Variants in ZDHHC11 observed in about 807,000 individuals in gnomAD.
The protein encoded by ZDHHC11 is palmitoyltransferase ZDHHC11.
In ZDHHC11, 44 loss-of-function variants were observed where a neutral mutation model predicts 51.3. The ratio of observed to expected loss-of-function variants is 0.86; its 90% CI spans 0.67 to 1.10. The LOEUF (loss-of-function observed/expected upper bound fraction) is 1.10, where lower values mean the gene tolerates loss of function less well. Among genes scored for constraint, ZDHHC11 ranks in the 50% least tolerant of loss-of-function variants. ZDHHC11 has a pLI of 0.00. For missense variants in ZDHHC11, 400 were observed against 537.7 expected, an observed-to-expected ratio of 0.74 and a Z score of 2.53; for synonymous variants, 163 against 222.0, an observed-to-expected ratio of 0.73 and a Z score of 2.36.
At chr5:810,887 C>T (rs1389442003) in intron 11 of ZDHHC11, among the ~76,000 whole-genome samples, 1 of 152,150 alleles carries the variant, frequency 6.6e-6, no homozygotes, top group African/African-American at 2.4e-5. Context: ...GCGGTTTATG[C>T]CCATCTTTAA....
chr5:835,326 G>T (rs1190219477), intron 6 of ZDHHC11, among the ~76,000 whole-genome samples: 1 of 151,606 alleles, frequency 6.6e-6, no homozygotes, highest in Non-Finnish European at 1.5e-5. Context: ...CCTATTTAAT[G>T]ATTTTAGTAC....
chr5:816,835 C>G, intron 10 of ZDHHC11: 1 of 476,808 alleles, frequency 2.1e-6, no homozygotes, highest in Non-Finnish European at 4.1e-6. Context: ...CAGATACACC[C>G]TGAAGCTGAC....
intron 3 of ZDHHC11, among the ~76,000 whole-genome samples, chr5:846,751 G>T (rs1470667606): frequency 1.4e-5 from 2 of 138,470 alleles, no homozygotes; most frequent in African/African-American, 5.7e-5. Context: ...TCGTTCTTGA[G>T]CCTCCACCGT....
intron 9 of ZDHHC11, among the ~76,000 whole-genome samples, chr5:820,010 G>A (rs931623069): frequency 6.6e-6 from 1 of 151,286 alleles, no homozygotes; most frequent in East Asian, 1.9e-4. Flanking sequence ...TGGGTCAGGT[G>A]ACCTTCATTT....
rs1317482840 is a variant in ZDHHC11 at position 848,530 on chromosome 5, T to C, written c.353A>G (p.His118Arg). Residue 118 changes from histidine to arginine, a missense_variant, in exon 2 of 13, where the codon CAT (histidine) becomes CGT (arginine). His to Arg is a conservative substitution (Grantham distance 29). Coordinates refer to ENST00000283441, the MANE Select transcript of ZDHHC11 (RefSeq NM_024786.3). ...QPMPLFDRSK[H>R]AHVIQNQFCH... ...GAACTGATTCTGGATCACGTGTGCA[T>C]GTTTTGATCTGTCGAAGAGGGGCAT... is the stretch of plus-strand genomic sequence containing the variant. The C allele has an allele frequency of 2.6e-6, 4 of 1,509,606 alleles. No individual in the cohort carries two copies. The highest frequency in any genetic ancestry group is 4.9e-5 in the East Asian group (2 of 41,160). 93.5% of individuals were successfully genotyped at this position (1,509,606 alleles called of 1,614,324 possible). A position where few individuals can be genotyped will look rare whatever the true frequency, so the allele number is the denominator to read the frequency against.
chr5:851,042 A>T (rs1181020342), upstream of ZDHHC11: 1 of 217,590 alleles, frequency 4.6e-6, no homozygotes, highest in Non-Finnish European at 9.2e-6. Context: ...CCACGTCAGA[A>T]AGAGGCCACA....
Position 801,143 on chromosome 5 carries a change from C to T in ZDHHC11, c.1203G>A (p.Glu401=). Residue 401 remains glutamate, a synonymous_variant, in exon 12 of 13, where the codon GAG becomes GAA. Transcript: ENST00000283441. ...STLGLQQETT[E]PMKTDSAESE... Reference sequence around the variant, plus strand: ...TTTCAGCACTGTCAGTTTTCATGGGCTCTGTTGTTTCTTGTTGCAGCCTGT... The same window carrying T: ...TTTCAGCACTGTCAGTTTTCATGGGTTCTGTTGTTTCTTGTTGCAGCCTGT... The T allele has an allele frequency of 5.0e-6, 8 of 1,610,984 alleles. No individual in the cohort carries two copies. Among genetic ancestry groups the T allele is most frequent in the Admixed American group, 1.7e-5 (1 of 59,898 alleles).
intron 5 of ZDHHC11, chr5:839,945 A>G: frequency 2.1e-6 from 1 of 469,460 alleles, no homozygotes; most frequent in South Asian, 3.5e-5. Flanking sequence ...GTTACTTCCA[A>G]CACAGGTTTC....
intron 3 of ZDHHC11, among the ~76,000 whole-genome samples, chr5:844,384 G>A: frequency 6.6e-6 from 1 of 152,300 alleles, no homozygotes; most frequent in Non-Finnish European, 1.5e-5. Flanking sequence ...AGTGAGGTCA[G>A]AGATGCGGTG....
At chr5:842,081 T>C (rs545490458) in intron 4 of ZDHHC11, 55 of 986,672 alleles carry the variant, frequency 5.6e-5, no homozygotes, top group South Asian at 9.4e-5. Context: ...TTTGAAGCCC[T>C]GCAGAATCAT....
intron 11 of ZDHHC11, among the ~76,000 whole-genome samples, chr5:810,881 T>C (rs183651534): frequency 7.0e-4 from 107 of 152,090 alleles, no homozygotes; most frequent in African/African-American, 2.4e-3. Flanking sequence ...GATGGAGCGG[T>C]TTATGCCCAT....
At chr5:857,279 GCCT>G (rs1748393355) in intron 1 of ZDHHC11, among the ~76,000 whole-genome samples, 1 of 152,140 alleles carries the variant, frequency 6.6e-6, no homozygotes, top group Non-Finnish European at 1.5e-5. Context: ...GACCCCAGGC[GCCT>G]CCTGTCTGCC....
rs549965358 is a variant in ZDHHC11 at position 834,751 on chromosome 5, T to C, written c.901-944A>G. 1.6e-4 allele frequency among the ~76,000 whole-genome samples: 24 copies of C among 152,386 alleles called. No homozygotes were observed. The East Asian group carries it at 4.2e-3, about 27-fold the overall frequency. On this transcript the variant is annotated intron_variant, in intron 6 of 12. Coordinates refer to ENST00000283441, the MANE Select transcript of ZDHHC11 (RefSeq NM_024786.3). ...TATGTCGGCGCCATTTTCCCCGCAGTGTGTGCTCACTTCAATTGTCTGTGT... is the reference window on the plus strand; with the variant it reads ...TATGTCGGCGCCATTTTCCCCGCAGCGTGTGCTCACTTCAATTGTCTGTGT...
intron 12 of ZDHHC11, among the ~76,000 whole-genome samples, chr5:800,501 CCT>C (rs1292580501): frequency 2.0e-5 from 3 of 151,124 alleles, no homozygotes; most frequent in Non-Finnish European, 4.4e-5. Flanking sequence ...AGAGCATGCC[CCT>C]CTGTTTTCAA....
chr5:857,829 C>T (rs559848602), intron 1 of ZDHHC11, among the ~76,000 whole-genome samples: 2 of 149,088 alleles, frequency 1.3e-5, no homozygotes, highest in South Asian at 4.4e-4. Context: ...CTGTCCAGGT[C>T]CCCATCCTGT....
chr5:844,520 A>G (rs1439212584), intron 3 of ZDHHC11, among the ~76,000 whole-genome samples: 2 of 151,950 alleles, frequency 1.3e-5, no homozygotes, highest in African/African-American at 4.8e-5. Flanking sequence ...CCAGCCAAGG[A>G]GCACGCGGGC....
intron 3 of ZDHHC11, among the ~76,000 whole-genome samples, chr5:844,956 A>G (rs764194138): frequency 1.1e-4 from 16 of 152,304 alleles, no homozygotes; most frequent in Non-Finnish European, 2.1e-4. Flanking sequence ...TTTTTTTAAA[A>G]GTATCCTTTA....
In ZDHHC11 at chr5:841,499, T is replaced by A. The variant is rs191928795; in HGVS notation, c.629-849A>T. The A allele has an allele frequency of 5.7e-3, 5,085 of 884,580 alleles. 159 individuals carry two copies. The highest frequency in any genetic ancestry group is 0.022 in the Admixed American group (297 of 13,796). The allele number at this position is 884,580 out of a possible 1,614,324, so 54.8% of individuals were successfully genotyped here. ...CTAAGTGCCAGGGTCACAGCACCCATCCCTTCCTTATTTAGTGCCAGGGTC... is the reference window on the plus strand; with the variant it reads ...CTAAGTGCCAGGGTCACAGCACCCAACCCTTCCTTATTTAGTGCCAGGGTC... On this transcript the variant is annotated intron_variant, in intron 4 of 12. Coordinates refer to ENST00000283441, the MANE Select transcript of ZDHHC11 (RefSeq NM_024786.3).
intron 11 of ZDHHC11, among the ~76,000 whole-genome samples, chr5:803,118 A>G (rs1289982735): frequency 1.3e-5 from 2 of 151,266 alleles, no homozygotes; most frequent in Non-Finnish European, 3.0e-5. Flanking sequence ...TCCTGTGGCT[A>G]TAAGGGCAGC....
Sources: gnomAD v4.1 joint callset for allele counts (sites outside exome capture counted in the v4.1 genomes callset) on GRCh38, gnomAD v4.1.1 for gene constraint, MANE v1.5 for transcripts, NCBI Gene and HGNC (gene_info 2026-07-23, HGNC 2026-07-21) for gene names.